Variants in DGKH observed in about 807,000 individuals in gnomAD.
DGKH encodes diacylglycerol kinase eta, also known as DAG kinase eta.
Under a neutral mutation model 159.3 loss-of-function variants are expected in DGKH, and 90 were observed. That is an observed-to-expected ratio of 0.57 (90% CI 0.48 to 0.67). The LOEUF (loss-of-function observed/expected upper bound fraction) is 0.67. Ranked by LOEUF, DGKH falls within the 30% of genes least tolerant of loss-of-function variation. DGKH has a pLI of 0.00. For synonymous variants in DGKH, 536 were observed against 553.8 expected (o/e 0.97, Z 0.45); for missense variants, 1,181 against 1,506.1 (o/e 0.78, Z 3.57).
intron 1 of DGKH, among the ~76,000 whole-genome samples, chr13:42,074,622 G>A (rs2137702207): frequency 6.6e-6 from 1 of 151,198 alleles, no homozygotes; most frequent in South Asian, 2.1e-4. Context: ...TATCAAAACA[G>A]GCCACTGTCT....
At chr13:42,155,094 A>G (rs1204852365) in intron 3 of DGKH, among the ~76,000 whole-genome samples, 197 bp from the exon 4 acceptor site, 1 of 152,248 alleles carries the variant, frequency 6.6e-6, no homozygotes, top group Non-Finnish European at 1.5e-5. Context: ...AGCCCAAGTC[A>G]GTAGCAAAAG....
At chr13:42,169,433 A>G (rs1459557778) in intron 11 of DGKH, among the ~76,000 whole-genome samples, 4 of 152,138 alleles carry the variant, frequency 2.6e-5, no homozygotes, top group African/African-American at 9.7e-5. Context: ...GTCCGTGTAT[A>G]AAAAAGAAGC....
chr13:42,249,228 G>T (rs578140890), intron 29 of DGKH, among the ~76,000 whole-genome samples: 1 of 152,158 alleles, frequency 6.6e-6, no homozygotes, highest in Admixed American at 6.5e-5. Flanking sequence ...ACAAAGATTA[G>T]CTCTGCTTGG....
chr13:42,097,474 A>G (rs1594022828), intron 1 of DGKH, among the ~76,000 whole-genome samples: 2 of 152,272 alleles, frequency 1.3e-5, no homozygotes, highest in East Asian at 3.9e-4. Context: ...AACCCCTGTT[A>G]TCAGCATTTT....
intron 1 of DGKH, among the ~76,000 whole-genome samples, chr13:42,041,979 T>C (rs751980852): frequency 6.6e-6 from 1 of 152,214 alleles, no homozygotes; most frequent in Non-Finnish European, 1.5e-5. Flanking sequence ...TTCTAGTATA[T>C]ACGCTCTCAG....
intron 1 of DGKH, among the ~76,000 whole-genome samples, chr13:42,113,591 G>A: frequency 6.6e-6 from 1 of 152,176 alleles, no homozygotes; most frequent in East Asian, 1.9e-4. Context: ...CAAGAGTCTG[G>A]AGTCAAAAGG....
At chr13:42,080,710 CT>C (rs550843050) in intron 1 of DGKH, among the ~76,000 whole-genome samples, 13 of 149,602 alleles carry the variant, frequency 8.7e-5, no homozygotes, top group South Asian at 2.1e-4. Context: ...GCCTGTCCTA[CT>C]TTTTTTTTTC....
At chr13:42,219,116 A>G (rs1957894320) in intron 26 of DGKH, 114 bp from the exon 27 acceptor site, 14 of 1,301,990 alleles carry the variant, frequency 1.1e-5, no homozygotes, top group Non-Finnish European at 1.4e-5. Flanking sequence ...AATTTAAAAA[A>G]TACTACCTTA....
At chr13:42,075,968 A>G (rs1054149248) in intron 1 of DGKH, among the ~76,000 whole-genome samples, 4 of 152,206 alleles carry the variant, frequency 2.6e-5, no homozygotes, top group Non-Finnish European at 4.4e-5. Context: ...GTATCATACA[A>G]TAATAGCCTT....
At chr13:42,117,308 A>G (rs1023014567) in intron 1 of DGKH, among the ~76,000 whole-genome samples, 3 of 152,208 alleles carry the variant, frequency 2.0e-5, no homozygotes, top group African/African-American at 7.2e-5. Context: ...TTCACTTGGT[A>G]TACTCATTAT....
intron 1 of DGKH, among the ~76,000 whole-genome samples, chr13:42,106,954 G>C (rs982528456): frequency 6.6e-6 from 1 of 152,114 alleles, no homozygotes; most frequent in African/African-American, 2.4e-5. Context: ...TGAGGCAGGA[G>C]AATCACTTGA....
At chr13:42,047,111 A>G (rs923881178), upstream of DGKH, among the ~76,000 whole-genome samples, 3 of 152,222 alleles carry the variant, frequency 2.0e-5, no homozygotes, top group African/African-American at 7.2e-5. Flanking sequence ...TTCCTTTCCT[A>G]AAGGAGACAA....
At chr13:42,124,017 A>G (rs1208974104) in intron 1 of DGKH, among the ~76,000 whole-genome samples, 1 of 152,186 alleles carries the variant, frequency 6.6e-6, no homozygotes, top group Non-Finnish European at 1.5e-5. Flanking sequence ...CTTTATGTGC[A>G]GTTTCTAATA....
chr13:42,185,995 A>AGTC (rs1165416098), intron 13 of DGKH, among the ~76,000 whole-genome samples: 1 of 142,908 alleles, frequency 7.0e-6, no homozygotes, highest in Non-Finnish European at 1.5e-5. Context: ...TTGGGGGAGG[A>AGTC]GTGGTGGTGG....
chr13:42,195,580 G>A (rs1424083406), intron 17 of DGKH, among the ~76,000 whole-genome samples: 1 of 152,260 alleles, frequency 6.6e-6, no homozygotes, highest in African/African-American at 2.4e-5. Flanking sequence ...GTGGAGTCCA[G>A]GAATCTGCAT....
At chr13:42,087,155 A>T (rs1157709895) in intron 1 of DGKH, among the ~76,000 whole-genome samples, 1 of 151,956 alleles carries the variant, frequency 6.6e-6, no homozygotes. Flanking sequence ...TTCCCACTGG[A>T]CAGAGTGGAA....
chr13:42,227,038 T>C (rs1038228326), intron 29 of DGKH, among the ~76,000 whole-genome samples: 1 of 152,012 alleles, frequency 6.6e-6, no homozygotes, highest in Non-Finnish European at 1.5e-5. Context: ...CACGTTCTTG[T>C]AAGTGGGAGC....
intron 1 of DGKH, among the ~76,000 whole-genome samples, chr13:42,087,954 A>G (rs1954339973): frequency 6.6e-6 from 1 of 152,140 alleles, no homozygotes; most frequent in Non-Finnish European, 1.5e-5. Context: ...GAACAAAACA[A>G]CCTGATAGCA....
chr13:42,205,920 A>T, intron 20 of DGKH, 119 bp from the exon 21 acceptor site: 2 of 471,030 alleles, frequency 4.2e-6, no homozygotes, highest in Non-Finnish European at 6.9e-6. Flanking sequence ...TAGAGAGCAG[A>T]CATTACGAAC....
Sources: gnomAD v4.1 joint callset for allele counts (sites outside exome capture counted in the v4.1 genomes callset) on GRCh38, gnomAD v4.1.1 for gene constraint, MANE v1.5 for transcripts, NCBI Gene and HGNC (gene_info 2026-07-23, HGNC 2026-07-21) for gene names.